Variants in ACAD11 observed in about 807,000 individuals in gnomAD.
ACAD11 encodes the protein acyl-CoA dehydrogenase family member 11.
A neutral mutation model predicts 102.2 loss-of-function variants in ACAD11; 83 were observed. The observed-to-expected ratio is 0.81, with a 90% CI of 0.68 to 0.97. The LOEUF is 0.97. Ranked by LOEUF, ACAD11 falls within the 50% of genes least tolerant of loss-of-function variation. The pLI is 0.00. For synonymous variants in ACAD11, 324 were observed against 319.8 expected (o/e 1.01, Z -0.14); for missense variants, 901 against 951.7 (o/e 0.95, Z 0.70).
At position 132,565,378 on chromosome 3, in the gene ACAD11, C is replaced by T. The variant is rs535373754; in HGVS notation, c.2002-4161G>A. On this transcript the variant is annotated intron_variant, in intron 17 of 19. Coordinates refer to ENST00000264990, the MANE Select transcript of ACAD11 (RefSeq NM_032169.5). ...CACCTGGCAGTATGAGGGCATCATC[C>T]TCTTCAGGTACTGATGGAAGCTGGG... 5.6e-4 allele frequency among the ~76,000 whole-genome samples: 86 copies of T among 152,276 alleles called. No homozygotes were observed. The East Asian group carries it at 0.016, about 28-fold the overall frequency.
intron 11 of ACAD11, among the ~76,000 whole-genome samples, chr3:132,609,877 C>T (rs779362156): frequency 9.2e-5 from 14 of 152,120 alleles, no homozygotes; most frequent in Non-Finnish European, 1.6e-4. Context: ...TGAAAATCCT[C>T]AATAAAATAC....
At chr3:132,652,104 C>T (rs1026568638) in intron 1 of ACAD11, among the ~76,000 whole-genome samples, 1 of 152,140 alleles carries the variant, frequency 6.6e-6, no homozygotes, top group African/African-American at 2.4e-5. Context: ...TGAATTGTAG[C>T]TCCCATAATT....
rs781560688 is a variant in ACAD11 at position 132,559,003 on chromosome 3, C to T, written c.2311G>A (p.Asp771Asn). 8.7e-6 allele frequency: 14 copies of T among 1,613,516 alleles called. No individual in the cohort carries two copies. The East Asian group carries it at 2.2e-4, about 26-fold the overall frequency. Residue 771 changes from aspartate (D) to asparagine (N), a missense_variant, in exon 20 of 20, where the codon GAC becomes AAC. Physicochemically the swap from Asp to Asn is conservative, Grantham distance 23 (BLOSUM62 1). Transcript: ENST00000264990. ...TTGGCTGTCAGTCTTTTGGCTTGGT[C>T]CCGCAGCTCCATTGTTGCGATTGCT... ...LSAIATMELR[D>N]QAKRLTAKI
At chr3:132,595,578 A>G (rs1477968403) in intron 13 of ACAD11, among the ~76,000 whole-genome samples, 2 of 152,194 alleles carry the variant, frequency 1.3e-5, no homozygotes, top group Non-Finnish European at 2.9e-5. Context: ...AATATCCAGC[A>G]TCTATAAGAA....
chr3:132,564,918 A>AT (rs1937167009), intron 17 of ACAD11, among the ~76,000 whole-genome samples: 1 of 152,142 alleles, frequency 6.6e-6, no homozygotes, highest in Admixed American at 6.5e-5. Context: ...TTTGCCTCAT[A>AT]TATCTCAGCT....
chr3:132,630,443 T>C lies in ACAD11; in HGVS notation c.957A>G (p.Ile319Met), dbSNP rs1182436316. 5 of 1,613,258 alleles carry C rather than the reference T, an allele frequency of 3.1e-6. No individual in the cohort carries two copies. In the Admixed American group the frequency reaches 6.7e-5, roughly 22 times the overall value. Residue 319 changes from isoleucine (I) to methionine (M), a missense_variant, in exon 7 of 20, where the codon ATA becomes ATG. Coordinates refer to ENST00000264990, the MANE Select transcript of ACAD11 (RefSeq NM_032169.5). ...GTTTAAAACAATTAATTACCTGTGC[T>C]ATTCCAGCCATCTTAAAATATGAAA... The part of the protein sequence containing the change: ...LALSYFKMAG[I>M]AQGVYSRYLL...
chr3:132,578,253 A>G (rs1288548857), intron 15 of ACAD11, among the ~76,000 whole-genome samples: 2 of 152,170 alleles, frequency 1.3e-5, no homozygotes, highest in African/African-American at 4.8e-5. Context: ...TGAGAGGGTG[A>G]TCTTAGCAAA....
At chr3:132,585,219 A>G (rs963732377) in intron 13 of ACAD11, among the ~76,000 whole-genome samples, 29 of 152,196 alleles carry the variant, frequency 1.9e-4, no homozygotes, top group African/African-American at 6.0e-4. Context: ...TCTTTGACAA[A>G]CCTGACAAAA....
At chr3:132,597,904 G>A (rs1230035184) in intron 13 of ACAD11, among the ~76,000 whole-genome samples, 2 of 152,124 alleles carry the variant, frequency 1.3e-5, no homozygotes, top group Non-Finnish European at 2.9e-5. Context: ...TAGTCTTCCA[G>A]ATTGGAACTT....
intron 13 of ACAD11, among the ~76,000 whole-genome samples, chr3:132,598,597 G>C (rs1043946935): frequency 1.3e-5 from 2 of 152,242 alleles, no homozygotes; most frequent in African/African-American, 2.4e-5. Context: ...AATACATCAG[G>C]AAAGTCTTCT....
intron 1 of ACAD11, chr3:132,647,576 G>C (rs544992670): frequency 6.6e-6 from 1 of 152,310 alleles, no homozygotes; most frequent in South Asian, 2.1e-4. Context: ...CAGGATGCTG[G>C]CATGGCAGCA....
In ACAD11 at chr3:132,612,375, G is replaced by A. The variant is rs542533849; in HGVS notation, c.1414+6259C>T. ...GCAACAAAAGACAAAATTGACAAATGGGATCTAATTAAACTAAAGAGCTTC... is the reference window on the plus strand; with the variant it reads ...GCAACAAAAGACAAAATTGACAAATAGGATCTAATTAAACTAAAGAGCTTC... On this transcript the variant is annotated intron_variant, in intron 11 of 19. Transcript: ENST00000264990. Among the ~76,000 whole-genome samples the A allele has an allele frequency of 6.6e-5, 10 of 152,096 alleles. No individual in the cohort carries two copies. The South Asian group carries it at 1.5e-3, about 22-fold the overall frequency.
intron 6 of ACAD11, 136 bp downstream of exon 6, chr3:132,631,201 AAAAT>A (rs1940027205): frequency 4.3e-6 from 2 of 465,214 alleles, no homozygotes; most frequent in African/African-American, 4.0e-5. Context: ...AAATAAAATA[AAAAT>A]AAAAATCATA....
chr3:132,571,727 A>G (rs1263854435), intron 17 of ACAD11, among the ~76,000 whole-genome samples: 2 of 152,148 alleles, frequency 1.3e-5, no homozygotes, highest in Non-Finnish European at 2.9e-5. Context: ...CCAGTAGGCT[A>G]TATCCTTGGG....
intron 17 of ACAD11, among the ~76,000 whole-genome samples, chr3:132,565,299 A>C (rs1045969097): frequency 3.3e-5 from 5 of 151,800 alleles, no homozygotes; most frequent in African/African-American, 1.2e-4. Flanking sequence ...AGTCCCCCCA[A>C]CCCATCTTAT....
At chr3:132,627,069 A>AGGTG (rs1474576332) in intron 8 of ACAD11, 1 of 299,384 alleles carries the variant, frequency 3.3e-6, no homozygotes, top group Non-Finnish European at 6.2e-6. Context: ...CACCTCAAGC[A>AGGTG]ATGTTAGTGA....
intron 1 of ACAD11, among the ~76,000 whole-genome samples, chr3:132,658,145 G>A (rs1338410213): frequency 6.6e-6 from 1 of 152,138 alleles, no homozygotes; most frequent in Non-Finnish European, 1.5e-5. Flanking sequence ...TTACAAGTGT[G>A]AGTCACTGCA....
At chr3:132,642,468 CT>C (rs1268692403) in intron 3 of ACAD11, among the ~76,000 whole-genome samples, 2 of 152,190 alleles carry the variant, frequency 1.3e-5, no homozygotes, top group African/African-American at 4.8e-5. Context: ...TCAATACCCC[CT>C]AATTACTAAA....
intron 5 of ACAD11, among the ~76,000 whole-genome samples, chr3:132,633,490 G>A (rs1395850959): frequency 6.6e-6 from 1 of 152,024 alleles, no homozygotes; most frequent in Non-Finnish European, 1.5e-5. Flanking sequence ...ATTTTATTGA[G>A]GATTTTTGCA....
Sources: allele counts gnomAD v4.1 joint callset (sites outside exome capture counted in the v4.1 genomes callset), GRCh38; gene constraint gnomAD v4.1.1; transcripts MANE v1.5; gene names NCBI Gene and HGNC (gene_info 2026-07-23, HGNC 2026-07-21).